Variants in ROBO2 observed in about 807,000 individuals in gnomAD.
ROBO2 encodes roundabout guidance receptor 2, also known as roundabout homolog 2.
ROBO2 carries 53 observed loss-of-function variants against 160.8 expected under a neutral mutation model. That is an observed-to-expected ratio of 0.33 (90% CI 0.26 to 0.41). The LOEUF (loss-of-function observed/expected upper bound fraction) is 0.41. Ranked by LOEUF, ROBO2 falls within the 10% of genes least tolerant of loss-of-function variation. The pLI, the probability that ROBO2 is intolerant of heterozygous loss-of-function variation, is 1.00. For synonymous variants in ROBO2, 664 were observed against 611.7 expected (o/e 1.09, Z -1.26); for missense variants, 1,577 against 1,722.4 (o/e 0.92, Z 1.49).
Position 76,622,241 on chromosome 3 carries a change from A to AGAAAGAAG in ROBO2, c.110-475766_110-475765insGGAAAGAA, listed in dbSNP as rs2089201202. Among the ~76,000 whole-genome samples, 28 of 37,460 alleles carry AGAAAGAAG rather than the reference A, an allele frequency of 7.5e-4. 1 individual carries two copies. The highest frequency in any genetic ancestry group is 3.2e-3 in the African/African-American group (26 of 8,224). The allele number at this position is 37,460 out of a possible 152,430, so 24.6% of individuals were successfully genotyped here. ...AAGGAAGGAAGGAAGGAAGGAAGAA[A>AGAAAGAAG]GAAAGAAAGAAAGAAAGAAAGAAAG... On this transcript the variant is annotated intron_variant, in intron 2 of 26. Transcript: ENST00000487694.
rs561657454 is a variant in ROBO2 at position 77,362,260 on chromosome 3, G to A, written c.389-115154G>A. Among the ~76,000 whole-genome samples, 16 of 152,268 alleles carry A rather than the reference G, an allele frequency of 1.1e-4. No homozygotes were observed. In the East Asian group the frequency reaches 2.7e-3, roughly 26 times the overall value. ...ATGAAAATGGGATTTTGCAATGGGG[G>A]AGAGAAATTGAACGAAACTCCAAAT... On this transcript the variant is annotated intron_variant, in intron 2 of 25. Transcript: ENST00000461745.
chr3:77,294,797 G>T (rs1237838825), intron 2 of ROBO2, among the ~76,000 whole-genome samples: 3 of 150,584 alleles, frequency 2.0e-5, no homozygotes, highest in African/African-American at 4.9e-5. Context: ...AAACGGGTAA[G>T]CTGAGGCTAG....
chr3:76,788,451 G>A (rs1308116558), intron 2 of ROBO2, among the ~76,000 whole-genome samples: 3 of 151,370 alleles, frequency 2.0e-5, no homozygotes, highest in Non-Finnish European at 4.4e-5. Flanking sequence ...CTAGGCCTCA[G>A]GGAAGTTAAT....
exon 26 of ROBO2, chr3:77,647,838 C>G (rs555730673): frequency 6.6e-6 from 1 of 152,108 alleles, no homozygotes. Flanking sequence ...AATTCGCACT[C>G]CATGCATTAT....
intron 2 of ROBO2, among the ~76,000 whole-genome samples, chr3:76,075,824 A>G (rs912072002): frequency 3.3e-5 from 5 of 152,196 alleles, no homozygotes; most frequent in African/African-American, 1.2e-4. Context: ...CAATAACACT[A>G]TGAGGCAATT....
chr3:76,512,157 T>G (rs1374532452), intron 2 of ROBO2, among the ~76,000 whole-genome samples: 1 of 151,982 alleles, frequency 6.6e-6, no homozygotes, highest in Non-Finnish European at 1.5e-5. Flanking sequence ...AGAAACATTT[T>G]TAAAAGCCTT....
chr3:77,472,697 A>G (rs1050385667), intron 2 of ROBO2, among the ~76,000 whole-genome samples: 6 of 152,078 alleles, frequency 3.9e-5, no homozygotes, highest in Non-Finnish European at 1.5e-5. Flanking sequence ...GAATGTACCT[A>G]CCATATCCCT....
intron 2 of ROBO2, among the ~76,000 whole-genome samples, chr3:77,164,394 GTCAGCCCCCCGCCC>G (rs2078766501): frequency 1.0e-5 from 1 of 96,284 alleles, no homozygotes. Flanking sequence ...GAGGTGGGGG[GTCAGCCCCCCGCCC>G]GGCCAGCCGC....
chr3:77,132,704 T>A (rs1337473749), intron 2 of ROBO2, among the ~76,000 whole-genome samples: 1 of 152,116 alleles, frequency 6.6e-6, no homozygotes, highest in African/African-American at 2.4e-5. Context: ...CTGATTTTTT[T>A]TTTTTTAAGT....
chr3:77,040,417 C>T, exon 1 of ROBO2: 1 of 1,044,456 alleles, frequency 9.6e-7, no homozygotes, highest in Non-Finnish European at 1.2e-6. Context: ...CTTTTCCTCC[C>T]CCTTCATCAT....
chr3:76,539,052 G>A (rs1159998539), intron 2 of ROBO2, among the ~76,000 whole-genome samples: 1 of 152,088 alleles, frequency 6.6e-6, no homozygotes, highest in Admixed American at 6.6e-5. Context: ...CAGGGACATG[G>A]ATGAAGCTGG....
At chr3:77,234,368 T>A (rs1674862763) in intron 2 of ROBO2, among the ~76,000 whole-genome samples, 1 of 152,164 alleles carries the variant, frequency 6.6e-6, no homozygotes, top group Non-Finnish European at 1.5e-5. Flanking sequence ...AGCAGTCAAA[T>A]ATTTGAGCAC....
At chr3:76,951,475 A>G (rs2078949817) in intron 2 of ROBO2, among the ~76,000 whole-genome samples, 1 of 152,244 alleles carries the variant, frequency 6.6e-6, no homozygotes, top group Non-Finnish European at 1.5e-5. Flanking sequence ...ACCCTGTGGT[A>G]AAGGTCAATG....
intron 2 of ROBO2, among the ~76,000 whole-genome samples, chr3:76,680,933 C>T (rs1296254747): frequency 2.6e-5 from 4 of 151,906 alleles, no homozygotes; most frequent in Admixed American, 1.3e-4. Context: ...TGCACCATCA[C>T]GCCCAGCTAA....
At chr3:77,459,183 G>A (rs2081990570) in intron 2 of ROBO2, among the ~76,000 whole-genome samples, 3 of 152,160 alleles carry the variant, frequency 2.0e-5, no homozygotes, top group African/African-American at 4.8e-5. Context: ...TTAGAAGTTA[G>A]TTTTTACCTT....
intron 2 of ROBO2, among the ~76,000 whole-genome samples, chr3:76,364,336 A>G (rs1488035338): frequency 1.3e-5 from 2 of 152,046 alleles, no homozygotes; most frequent in Non-Finnish European, 2.9e-5. Flanking sequence ...ATTTGTTGCA[A>G]TCTGAAATAT....
intron 2 of ROBO2, among the ~76,000 whole-genome samples, chr3:76,362,141 G>A (rs1329834184): frequency 6.6e-6 from 1 of 152,078 alleles, no homozygotes; most frequent in African/African-American, 2.4e-5. Flanking sequence ...AAGGTGGGAG[G>A]ATCAGTTGGA....
intron 1 of ROBO2, among the ~76,000 whole-genome samples, chr3:77,042,955 T>A (rs2064243977): frequency 1.3e-5 from 2 of 152,198 alleles, no homozygotes; most frequent in African/African-American, 2.4e-5. Context: ...GAAACTAGTT[T>A]TGTATTTAGC....
chr3:77,209,653 C>CA (rs1239678857), intron 2 of ROBO2, among the ~76,000 whole-genome samples: 8 of 152,072 alleles, frequency 5.3e-5, no homozygotes, highest in African/African-American at 1.7e-4. Context: ...TTTAGGAAGC[C>CA]TTGATCAGCC....
Sources: allele counts gnomAD v4.1 joint callset (sites outside exome capture counted in the v4.1 genomes callset), GRCh38; gene constraint gnomAD v4.1.1; transcripts MANE v1.5; gene names NCBI Gene and HGNC (gene_info 2026-07-23, HGNC 2026-07-21).